The following MED6 variants were observed in gnomAD, a reference collection of about 807,000 sequenced individuals.
MED6 encodes mediator of RNA polymerase II transcription subunit 6.
Under a neutral mutation model 37.5 loss-of-function variants are expected in MED6, and 33 were observed. The observed-to-expected ratio is 0.88, with a 90% CI of 0.67 to 1.18. The LOEUF (loss-of-function observed/expected upper bound fraction) is 1.18. Among genes scored for constraint, MED6 ranks in the 50% most tolerant of loss-of-function variants. The pLI is 0.00. For synonymous variants in MED6, 94 were observed against 93.6 expected (o/e 1.00, Z -0.02); for missense variants, 235 against 290.6 (o/e 0.81, Z 1.39).
chr14:70,588,427 T>C (rs1884773073), intron 6 of MED6, among the ~76,000 whole-genome samples: 1 of 152,096 alleles, frequency 6.6e-6, no homozygotes, highest in Non-Finnish European at 1.5e-5. Flanking sequence ...GGCTCATGCC[T>C]ATAATCCCAG....
At position 70,584,155 on chromosome 14, in the gene MED6, T is replaced by TTAC; in HGVS notation, c.*655_*657dup. ...ACTGAACAAAAAGAAATATGCTTAG[T>TTAC]TACTACTTTAACATCCTTTATGTCT... On this transcript the variant is annotated 3_prime_UTR_variant, in exon 8 of 8. Coordinates refer to ENST00000256379, the MANE Select transcript of MED6 (RefSeq NM_005466.4). 1 of 754,370 alleles carries TTAC rather than the reference T, an allele frequency of 1.3e-6. No homozygotes were observed. Among genetic ancestry groups the TTAC allele is most frequent in the Non-Finnish European group, 2.4e-6 (1 of 414,336 alleles). 46.7% of individuals were successfully genotyped at this position (754,370 alleles called of 1,614,324 possible). A position where few individuals can be genotyped will look rare whatever the true frequency, so the allele number is the denominator to read the frequency against.
In MED6 at chr14:70,584,324, G is replaced by A. The variant is rs543186521; in HGVS notation, c.*489C>T. The A allele has an allele frequency of 3.8e-6, 2 of 522,400 alleles. No individual in the cohort carries two copies. Among genetic ancestry groups the A allele is most frequent in the African/African-American group, 3.9e-5 (2 of 51,818 alleles). 32.4% of individuals were successfully genotyped at this position (522,400 alleles called of 1,614,324 possible). A position where few individuals can be genotyped will look rare whatever the true frequency, so the allele number is the denominator to read the frequency against. On this transcript the variant is annotated 3_prime_UTR_variant, in exon 8 of 8. Coordinates refer to ENST00000256379, the MANE Select transcript of MED6 (RefSeq NM_005466.4). The stretch of plus-strand genomic sequence containing the variant: ...GGTTGCTCAAGTCCGGGAGAGGAAA[G>A]GTTACAGAAGACATATAACAAATAT...
At chr14:70,595,553 C>T (rs1885018797) in intron 3 of MED6, 1 of 703,900 alleles carries the variant, frequency 1.4e-6, no homozygotes, top group Admixed American at 2.1e-5. Context: ...AGCAGCTCAA[C>T]AGGATCCTGC....
At chr14:70,589,729 ACAAAAT>A (rs1373272059) in intron 6 of MED6, among the ~76,000 whole-genome samples, 2 of 152,210 alleles carry the variant, frequency 1.3e-5, no homozygotes, top group Admixed American at 6.5e-5. Flanking sequence ...TGCATAGCAT[ACAAAAT>A]CCTTCTCAAC....
chr14:70,586,868 T>C (rs184165313), intron 6 of MED6, among the ~76,000 whole-genome samples: 59 of 152,366 alleles, frequency 3.9e-4, no homozygotes, highest in African/African-American at 1.4e-3. Flanking sequence ...GGCCTGAGGC[T>C]GCTATACTTA....
At chr14:70,595,104 G>A (rs2139600494) in intron 3 of MED6, 2 of 534,176 alleles carry the variant, frequency 3.7e-6, no homozygotes, top group Admixed American at 1.9e-5. Flanking sequence ...ACATCCATGG[G>A]CTCTGCAAGG....
At chr14:70,594,955 A>C in intron 3 of MED6, 1 of 601,516 alleles carries the variant, frequency 1.7e-6, no homozygotes, top group South Asian at 1.4e-5. Context: ...CTTCAAGACC[A>C]TCGAGGACCT....
intron 5 of MED6, among the ~76,000 whole-genome samples, chr14:70,592,198 C>T (rs1884892487): frequency 6.6e-6 from 1 of 152,144 alleles, no homozygotes; most frequent in Non-Finnish European, 1.5e-5. Context: ...TATGCTGTTA[C>T]AGGCACATTT....
At position 70,584,564 on chromosome 14, in the gene MED6, C is replaced by T. The variant is rs1014243172; in HGVS notation, c.*249G>A. On this transcript the variant is annotated 3_prime_UTR_variant, in exon 8 of 8. Coordinates refer to ENST00000256379, the MANE Select transcript of MED6 (RefSeq NM_005466.4). The stretch of plus-strand genomic sequence containing the variant: ...CTAATTTTTGTATTTTTAGTAGAGA[C>T]GGGGTTTCACCATATTGGTCAGGCT... The T allele has an allele frequency of 2.2e-5, 8 of 361,126 alleles. No individual in the cohort carries two copies. The allele number at this position is 361,126 out of a possible 1,614,324, so 22.4% of individuals were successfully genotyped here.
chr14:70,591,796 C>T (rs1884878195), intron 5 of MED6: 2 of 153,738 alleles, frequency 1.3e-5, no homozygotes, highest in African/African-American at 2.4e-5. Context: ...GCAGGTTTCA[C>T]AAACTCAAGC....
intron 4 of MED6, 136 bp from the exon 5 acceptor site, chr14:70,593,124 G>A: frequency 7.5e-7 from 1 of 1,333,120 alleles, no homozygotes; most frequent in Non-Finnish European, 1.0e-6. Flanking sequence ...TTGAGACTAT[G>A]AAATATACTT....
chr14:70,591,166 T>G lies in MED6; in HGVS notation c.582+100A>C, dbSNP rs932955023. On this transcript the variant is annotated intron_variant, in intron 6 of 7. Coordinates refer to ENST00000256379, the MANE Select transcript of MED6 (RefSeq NM_005466.4). Reference sequence around the variant, plus strand: ...TCATTTTTTAACTAATGAGGAAAATTGTACTTTTAGGTCACATCTGAAACA... The same window carrying G: ...TCATTTTTTAACTAATGAGGAAAATGGTACTTTTAGGTCACATCTGAAACA... 1.3e-5 allele frequency: 12 copies of G among 903,808 alleles called. No individual in the cohort carries two copies. In the Admixed American group the frequency reaches 1.9e-4, roughly 14 times the overall value. 56.0% of individuals were successfully genotyped at this position (903,808 alleles called of 1,614,324 possible). A position where few individuals can be genotyped will look rare whatever the true frequency, so the allele number is the denominator to read the frequency against.
At chr14:70,588,658 C>CCA (rs1388944334) in intron 6 of MED6, among the ~76,000 whole-genome samples, 36 of 150,058 alleles carry the variant, frequency 2.4e-4, no homozygotes, top group African/African-American at 8.8e-4. Flanking sequence ...TGCACTCCAG[C>CCA]CTGGGCGACA....
rs140431963 is a variant in MED6 at position 70,597,866 on chromosome 14, G to A, written c.23-89C>T. 6.6e-3 allele frequency: 6,950 copies of A among 1,060,836 alleles called. 82 individuals carry two copies. The highest frequency in any genetic ancestry group is 0.037 in the South Asian group (1,902 of 51,346). 65.7% of individuals were successfully genotyped at this position (1,060,836 alleles called of 1,614,324 possible). A position where few individuals can be genotyped will look rare whatever the true frequency, so the allele number is the denominator to read the frequency against. On this transcript the variant is annotated intron_variant, in intron 1 of 7. Coordinates refer to ENST00000256379, the MANE Select transcript of MED6 (RefSeq NM_005466.4). ...ATTTATTATACATCAAATGTAGTAG[G>A]CACTATGAATATAAGGATGACATAG...
rs900919943 is a variant in MED6, at chr14:70,583,702, G to T, written c.*1111C>A. 1 of 164,450 alleles carries T rather than the reference G, an allele frequency of 6.1e-6. No homozygotes were observed. The highest frequency in any genetic ancestry group is 6.4e-5 in the Admixed American group (1 of 15,646). 10.2% of individuals were successfully genotyped at this position (164,450 alleles called of 1,614,324 possible). Reference sequence around the variant, plus strand: ...AGATACAATCATTTACAGAAATTCGGACACTAAAACAGTCTATAAAAACTA... The same window carrying T: ...AGATACAATCATTTACAGAAATTCGTACACTAAAACAGTCTATAAAAACTA... On this transcript the variant is annotated 3_prime_UTR_variant, in exon 8 of 8. Coordinates refer to ENST00000256379, the MANE Select transcript of MED6 (RefSeq NM_005466.4).
Position 70,584,270 on chromosome 14 carries a change from A to T in MED6, c.*543T>A. 3 of 652,960 alleles carry T rather than the reference A, an allele frequency of 4.6e-6. No individual in the cohort carries two copies. The South Asian group carries it at 5.6e-5, about 12-fold the overall frequency. The allele number at this position is 652,960 out of a possible 1,614,324, so 40.4% of individuals were successfully genotyped here. ...AAATACCTTTATTTTGCTTTTAAACATATCTACCAGTAAACATGTGAGTGT... is the reference window on the plus strand; with the variant it reads ...AAATACCTTTATTTTGCTTTTAAACTTATCTACCAGTAAACATGTGAGTGT... On this transcript the variant is annotated 3_prime_UTR_variant, in exon 8 of 8. Coordinates refer to ENST00000256379, the MANE Select transcript of MED6 (RefSeq NM_005466.4).
At chr14:70,597,489 TA>T in intron 2 of MED6, 128 bp downstream of exon 2, 1 of 738,634 alleles carries the variant, frequency 1.4e-6, no homozygotes. Context: ...CAAATTTGCA[TA>T]AACCCAAACA....
At chr14:70,597,227 T>G (rs755030008) in intron 2 of MED6, among the ~76,000 whole-genome samples, 6 of 152,210 alleles carry the variant, frequency 3.9e-5, no homozygotes, top group Non-Finnish European at 5.9e-5. Context: ...TAACAGATAT[T>G]TAATTTTATA....
chr14:70,599,288 A>C (rs570108154), intron 1 of MED6, among the ~76,000 whole-genome samples: 1 of 152,348 alleles, frequency 6.6e-6, no homozygotes, highest in African/African-American at 2.4e-5. Context: ...AGACAGATGA[A>C]GTGCGTTAAT....
Sources: gnomAD v4.1 joint callset for allele counts (sites outside exome capture counted in the v4.1 genomes callset) on GRCh38, gnomAD v4.1.1 for gene constraint, MANE v1.5 for transcripts, NCBI Gene and HGNC (gene_info 2026-07-23, HGNC 2026-07-21) for gene names.